Variants in PRUNE2 observed in about 807,000 individuals in gnomAD.
The protein encoded by PRUNE2 is prune homolog 2 with BCH domain, also known as protein prune homolog 2.
PRUNE2 carries 164 observed loss-of-function variants against 252.0 expected under a neutral mutation model. The observed-to-expected ratio is 0.65, with a 90% CI of 0.57 to 0.74. PRUNE2 has a LOEUF of 0.74. Among genes scored for constraint, PRUNE2 ranks in the 30% least tolerant of loss-of-function variants. The probability of loss-of-function intolerance (pLI) is 0.00; values close to 1 mark genes in which losing one functional copy is unlikely to be tolerated. For missense variants in PRUNE2, 3,495 were observed against 3,711.0 expected, an observed-to-expected ratio of 0.94 and a Z score of 1.51; for synonymous variants, 1,292 against 1,350.2, an observed-to-expected ratio of 0.96 and a Z score of 0.94.
In PRUNE2 at chr9:76,755,084, C is replaced by T. The variant is rs559071401; in HGVS notation, c.757-41363G>A. Among the ~76,000 whole-genome samples the T allele has an allele frequency of 2.0e-5, 3 of 151,520 alleles. No homozygotes were observed. In the South Asian group the frequency reaches 6.3e-4, roughly 32 times the overall value. ...TAATTTATCTTTTTTATTCATTCGA[C>T]GATTAAACAGATACTTATTGGAGGA... On this transcript the variant is annotated intron_variant, in intron 6 of 18. Transcript: ENST00000376718.
intron 9 of PRUNE2, among the ~76,000 whole-genome samples, chr9:76,672,505 G>A (rs1173010503): frequency 8.2e-6 from 1 of 121,408 alleles, no homozygotes; most frequent in Admixed American, 9.4e-5. Context: ...GAGACAGAAA[G>A]TCAACAAGGA....
intron 9 of PRUNE2, among the ~76,000 whole-genome samples, chr9:76,669,986 TTG>T (rs1418888635): frequency 3.3e-5 from 5 of 152,168 alleles, no homozygotes; most frequent in African/African-American, 1.2e-4. Flanking sequence ...TTGCACCACT[TTG>T]CCCTCAGCCT....
intron 15 of PRUNE2, among the ~76,000 whole-genome samples, chr9:76,634,612 A>G (rs1314659781): frequency 1.3e-5 from 2 of 152,164 alleles, no homozygotes; most frequent in African/African-American, 2.4e-5. Flanking sequence ...AGCTATTTCT[A>G]TACATCACCT....
intron 6 of PRUNE2, among the ~76,000 whole-genome samples, chr9:76,776,658 G>C (rs2053800713): frequency 6.6e-6 from 1 of 150,836 alleles, no homozygotes; most frequent in African/African-American, 2.4e-5. Flanking sequence ...AGGATTACAG[G>C]TGCCCGCCAC....
chr9:76,708,692 C>G lies in PRUNE2; in HGVS notation c.3582G>C (p.Glu1194Asp). 1 of 1,613,970 alleles carries G rather than the reference C, an allele frequency of 6.2e-7. No homozygotes were observed. Among genetic ancestry groups the G allele is most frequent in the Non-Finnish European group, 8.5e-7 (1 of 1,179,894 alleles). Residue 1194 changes from glutamate to aspartate, a missense_variant, in exon 8 of 19, where the codon GAG becomes GAC. Transcript: ENST00000376718. The stretch of plus-strand genomic sequence containing the variant: ...CACTGGGAGCACTGTCCTTGGTATG[C>G]TCATCAGAGGCAGGGAGCTCCCAAT... ...QVDWELPASD[E>D]HTKDSAPSEH...
intron 6 of PRUNE2, among the ~76,000 whole-genome samples, chr9:76,717,271 G>C (rs901452785): frequency 9.8e-5 from 15 of 152,342 alleles, no homozygotes; most frequent in Middle Eastern, 3.4e-3. Flanking sequence ...GGGAATGAGT[G>C]AGAATCTTCA....
intron 1 of PRUNE2, 73 bp from the exon 2 acceptor site, chr9:76,854,281 A>T (rs1016751341): frequency 2.5e-5 from 19 of 760,970 alleles, no homozygotes; most frequent in Non-Finnish European, 3.6e-5. Flanking sequence ...TTAATATTTT[A>T]AAAAAGTATG....
chr9:76,625,013 G>C (rs1834064614), intron 16 of PRUNE2: 1 of 1,301,980 alleles, frequency 7.7e-7, no homozygotes, highest in Non-Finnish European at 1.0e-6. Flanking sequence ...AGGAGATCAG[G>C]AGATTTTACC....
chr9:76,651,599 T>C (rs1368560809), intron 11 of PRUNE2, among the ~76,000 whole-genome samples: 1 of 152,170 alleles, frequency 6.6e-6, no homozygotes, highest in Non-Finnish European at 1.5e-5. Flanking sequence ...AGAAACTACA[T>C]AATGCCATTT....
chr9:76,741,640 T>G (rs1385635880), intron 6 of PRUNE2, among the ~76,000 whole-genome samples: 2 of 152,186 alleles, frequency 1.3e-5, no homozygotes, highest in African/African-American at 4.8e-5. Context: ...CTGCTTACCA[T>G]CAAACGCCTC....
chr9:76,712,384 C>T (rs1304618133), intron 7 of PRUNE2, among the ~76,000 whole-genome samples: 1 of 150,940 alleles, frequency 6.6e-6, no homozygotes, highest in South Asian at 2.1e-4. Context: ...GCTGACTCGG[C>T]CAGTGGTGTG....
At chr9:76,667,847 G>A (rs1263480187) in intron 9 of PRUNE2, among the ~76,000 whole-genome samples, 1 of 152,180 alleles carries the variant, frequency 6.6e-6, no homozygotes, top group Non-Finnish European at 1.5e-5. Flanking sequence ...GAGCTCTGTT[G>A]TCCTAGCACA....
chr9:76,716,443 T>G (rs1173460578), intron 6 of PRUNE2, among the ~76,000 whole-genome samples: 1 of 152,190 alleles, frequency 6.6e-6, no homozygotes, highest in Admixed American at 6.5e-5. Context: ...GTTGATATAT[T>G]TTCCTACAAA....
intron 4 of PRUNE2, among the ~76,000 whole-genome samples, chr9:76,841,440 G>T (rs1459858609): frequency 2.0e-5 from 3 of 152,202 alleles, no homozygotes; most frequent in African/African-American, 7.2e-5. Flanking sequence ...TCATACCCCA[G>T]TGGCGCCTGG....
chr9:76,659,381 C>T (rs1850429618), intron 9 of PRUNE2, among the ~76,000 whole-genome samples: 1 of 152,116 alleles, frequency 6.6e-6, no homozygotes, highest in South Asian at 2.1e-4. Flanking sequence ...AGCATCAAAG[C>T]ATATAGGAAC....
In PRUNE2 at chr9:76,710,844, AC is replaced by A; in HGVS notation, c.1429del (p.Val477TrpfsTer109). 1 of 1,544,164 alleles carries A rather than the reference AC, an allele frequency of 6.5e-7. No homozygotes were observed. The highest frequency in any genetic ancestry group is 8.7e-7 in the Non-Finnish European group (1 of 1,147,244). On this transcript the variant is annotated frameshift_variant, in exon 8 of 19. Transcript: ENST00000376718. LOFTEE classifies it high-confidence loss of function. ...TCCAGACCATGCATGTTCCTCCGCC[AC>A]CGCCCCTTCAGGGATGGGGCTGTAG... ...DSYSPIPEGA[V>X]AEEHAWSGEH...
chr9:76,704,303 C>G (rs965452856), intron 8 of PRUNE2, among the ~76,000 whole-genome samples: 1 of 151,766 alleles, frequency 6.6e-6, no homozygotes, highest in East Asian at 1.9e-4. Flanking sequence ...CGGCTCACTG[C>G]AACCTCCACC....
intron 1 of PRUNE2, among the ~76,000 whole-genome samples, chr9:76,872,040 T>C (rs888708528): frequency 8.5e-5 from 13 of 152,198 alleles, no homozygotes; most frequent in African/African-American, 2.9e-4. Context: ...AGAAGGCTTC[T>C]ATTGTTTGGC....
intron 1 of PRUNE2, among the ~76,000 whole-genome samples, chr9:76,858,138 T>C (rs1205356309): frequency 6.6e-6 from 1 of 152,236 alleles, no homozygotes; most frequent in Non-Finnish European, 1.5e-5. Context: ...TGATTTACTA[T>C]TGTCACCCCA....
Sources: allele counts gnomAD v4.1 joint callset (sites outside exome capture counted in the v4.1 genomes callset), GRCh38; gene constraint gnomAD v4.1.1; transcripts MANE v1.5; gene names NCBI Gene and HGNC (gene_info 2026-07-23, HGNC 2026-07-21).